IQGAP2: variants seen among roughly 807,000 people sequenced by gnomAD.
IQGAP2 encodes ras GTPase-activating-like protein IQGAP2.
A neutral mutation model predicts 201.3 loss-of-function variants in IQGAP2; 173 were observed. The observed-to-expected ratio is 0.86, with a 90% CI of 0.76 to 0.98. IQGAP2 has a LOEUF of 0.98. Ranked by LOEUF, IQGAP2 falls within the 50% of genes least tolerant of loss-of-function variation. The probability of loss-of-function intolerance (pLI) is 0.00; values close to 1 mark genes in which losing one functional copy is unlikely to be tolerated. For missense variants in IQGAP2, 1,687 were observed against 1,864.8 expected, an observed-to-expected ratio of 0.90 and a Z score of 1.76; for synonymous variants, 675 against 673.9, an observed-to-expected ratio of 1.00 and a Z score of -0.03.
intron 17 of IQGAP2, among the ~76,000 whole-genome samples, chr5:76,647,823 C>CCCCACACACACA (rs1554080322): frequency 1.6e-5 from 1 of 62,582 alleles, no homozygotes; most frequent in African/African-American, 4.5e-5. Context: ...TAGCCAAACA[C>CCCCACACACACA]CACACACACA....
intron 2 of IQGAP2, among the ~76,000 whole-genome samples, chr5:76,467,196 G>A (rs1754827959): frequency 6.6e-6 from 1 of 152,280 alleles, no homozygotes; most frequent in Middle Eastern, 3.4e-3. Context: ...AGGTTGCAGT[G>A]AGCTGAGATC....
At chr5:76,475,880 C>T (rs1755388284) in intron 2 of IQGAP2, among the ~76,000 whole-genome samples, 1 of 152,054 alleles carries the variant, frequency 6.6e-6, no homozygotes, top group South Asian at 2.1e-4. Flanking sequence ...CCTTTGGCCT[C>T]TGCATGGGAA....
chr5:76,432,523 T>A (rs138505083), intron 1 of IQGAP2, among the ~76,000 whole-genome samples: 4 of 152,288 alleles, frequency 2.6e-5, no homozygotes, highest in African/African-American at 9.6e-5. Context: ...AAGATGGAGA[T>A]CTAGAGCTAC....
intron 30 of IQGAP2, among the ~76,000 whole-genome samples, chr5:76,692,169 T>A (rs1266000319): frequency 6.6e-6 from 1 of 152,238 alleles, no homozygotes; most frequent in Admixed American, 6.5e-5. Flanking sequence ...GATATCTATC[T>A]GAGATGGTAT....
chr5:76,653,386 A>C (rs1199704145), intron 18 of IQGAP2, among the ~76,000 whole-genome samples: 1 of 152,216 alleles, frequency 6.6e-6, no homozygotes, highest in Admixed American at 6.5e-5. Context: ...TACAACTTGG[A>C]GATCTACAAG....
chr5:76,426,697 TGGACGAG>T, intron 1 of IQGAP2, among the ~76,000 whole-genome samples: 2 of 152,194 alleles, frequency 1.3e-5, no homozygotes, highest in Admixed American at 6.5e-5. Context: ...CGAAGGGCGC[TGGACGAG>T]AGGATCACTA....
chr5:76,667,877 C>CTTTTTTTTTTTTTTTTTTTTTTTTTTTTT (rs540744402), intron 22 of IQGAP2, among the ~76,000 whole-genome samples: 13 of 123,422 alleles, frequency 1.1e-4, no homozygotes, highest in African/African-American at 4.1e-4. Flanking sequence ...AGTCCACTTT[C>CTTTTTTTTTTTTTTTTTTTTTTTTTTTTT]TTTTTTTTTT....
At chr5:76,684,126 T>G (rs1367097765) in intron 30 of IQGAP2, among the ~76,000 whole-genome samples, 1 of 152,258 alleles carries the variant, frequency 6.6e-6, no homozygotes, top group Non-Finnish European at 1.5e-5. Flanking sequence ...AACACCTTCC[T>G]TGGTTTTTAG....
At chr5:76,605,601 A>G (rs1747748816) in intron 11 of IQGAP2, among the ~76,000 whole-genome samples, 1 of 152,218 alleles carries the variant, frequency 6.6e-6, no homozygotes, top group Non-Finnish European at 1.5e-5. Context: ...TCAGGACAAC[A>G]TACGGTAAAG....
At chr5:76,587,428 A>G (rs762815064) in intron 5 of IQGAP2, among the ~76,000 whole-genome samples, 2 of 152,220 alleles carry the variant, frequency 1.3e-5, no homozygotes, top group Non-Finnish European at 2.9e-5. Context: ...ATTAATAACA[A>G]TCTAAATGCT....
intron 13 of IQGAP2, among the ~76,000 whole-genome samples, chr5:76,622,417 T>C (rs1348501825): frequency 6.6e-6 from 1 of 152,242 alleles, no homozygotes; most frequent in Non-Finnish European, 1.5e-5. Flanking sequence ...AAAGCATTGA[T>C]TTCTGTTTTT....
At chr5:76,517,776 C>T (rs113090243) in intron 2 of IQGAP2, among the ~76,000 whole-genome samples, 47 of 151,864 alleles carry the variant, frequency 3.1e-4, no homozygotes, top group Non-Finnish European at 4.7e-4. Context: ...ACATCCTTAC[C>T]TGGAAAATGA....
chr5:76,706,966 C>G (rs945825532), intron 35 of IQGAP2, among the ~76,000 whole-genome samples: 8 of 152,144 alleles, frequency 5.3e-5, no homozygotes, highest in African/African-American at 1.7e-4. Context: ...GTTTTAGAAC[C>G]CCCATCTATG....
chr5:76,659,526 T>G (rs565411107), intron 21 of IQGAP2, among the ~76,000 whole-genome samples: 1 of 152,238 alleles, frequency 6.6e-6, no homozygotes, highest in African/African-American at 2.4e-5. Flanking sequence ...CCAATTTACA[T>G]AGCAGTTGCA....
At chr5:76,462,942 A>AGTCAAGTT (rs1319412098) in intron 2 of IQGAP2, among the ~76,000 whole-genome samples, 1 of 152,072 alleles carries the variant, frequency 6.6e-6, no homozygotes, top group Non-Finnish European at 1.5e-5. Context: ...ACATGCTTTT[A>AGTCAAGTT]GTCAAGTTGT....
chr5:76,666,098 C>A (rs1743733678), intron 22 of IQGAP2, among the ~76,000 whole-genome samples: 1 of 152,204 alleles, frequency 6.6e-6, no homozygotes, highest in African/African-American at 2.4e-5. Flanking sequence ...TGGCTAACCT[C>A]ATGGAGAAAC....
chr5:76,518,278 T>C (rs752482675), intron 2 of IQGAP2, among the ~76,000 whole-genome samples: 1 of 152,212 alleles, frequency 6.6e-6, no homozygotes, highest in African/African-American at 2.4e-5. Flanking sequence ...AGATATTTAA[T>C]TGGACTTACA....
At chr5:76,429,466 G>C (rs1249690362) in intron 1 of IQGAP2, among the ~76,000 whole-genome samples, 2 of 151,146 alleles carry the variant, frequency 1.3e-5, no homozygotes, top group Non-Finnish European at 2.9e-5. Flanking sequence ...CAGCTACTTG[G>C]GGGGCTGAGG....
intron 30 of IQGAP2, among the ~76,000 whole-genome samples, chr5:76,685,747 CTA>C (rs1745682284): frequency 1.3e-5 from 2 of 152,180 alleles, no homozygotes; most frequent in African/African-American, 4.8e-5. Flanking sequence ...AATCACCACA[CTA>C]TGTAGAGCCA....
Sources: allele counts gnomAD v4.1 joint callset (sites outside exome capture counted in the v4.1 genomes callset), GRCh38; gene constraint gnomAD v4.1.1; transcripts MANE v1.5; gene names NCBI Gene and HGNC (gene_info 2026-07-23, HGNC 2026-07-21).